Variants in KLHL29 observed in about 807,000 individuals in gnomAD.
The protein encoded by KLHL29 is kelch-like protein 29.
A neutral mutation model predicts 80.4 loss-of-function variants in KLHL29; 21 were observed. The observed-to-expected ratio is 0.26, with a 90% CI of 0.19 to 0.38. The LOEUF (loss-of-function observed/expected upper bound fraction) is 0.38, where lower values mean the gene tolerates loss of function less well. Among genes scored for constraint, KLHL29 ranks in the 10% least tolerant of loss-of-function variants. The pLI, the probability that KLHL29 is intolerant of heterozygous loss-of-function variation, is 1.00. For synonymous variants in KLHL29, 511 were observed against 526.8 expected (o/e 0.97, Z 0.41); for missense variants, 867 against 1,223.9 (o/e 0.71, Z 4.35).
At chr2:23,654,842 A>G (rs1348377918) in intron 5 of KLHL29, among the ~76,000 whole-genome samples, 1 of 152,216 alleles carries the variant, frequency 6.6e-6, no homozygotes, top group Non-Finnish European at 1.5e-5. Context: ...CTGCCCAGGT[A>G]TAGCTGGTAA....
chr2:23,564,220 A>G (rs769439855), intron 3 of KLHL29, among the ~76,000 whole-genome samples: 17 of 152,172 alleles, frequency 1.1e-4, no homozygotes, highest in African/African-American at 7.2e-5. Context: ...GGGCTCCCCC[A>G]CAGGGCTGTG....
At chr2:23,584,359 G>A (rs568566566) in intron 3 of KLHL29, among the ~76,000 whole-genome samples, 51 of 152,298 alleles carry the variant, frequency 3.3e-4, no homozygotes, top group African/African-American at 1.1e-3. Context: ...CCCTGCTCCT[G>A]GAAACAGGCA....
chr2:23,579,699 C>CT (rs1015572669), intron 3 of KLHL29, among the ~76,000 whole-genome samples: 5 of 152,078 alleles, frequency 3.3e-5, no homozygotes, highest in Admixed American at 1.3e-4. Context: ...CACATCCATC[C>CT]TTTTTTTTCT....
chr2:23,683,608 C>T (rs1359176312), intron 5 of KLHL29, among the ~76,000 whole-genome samples: 1 of 152,192 alleles, frequency 6.6e-6, no homozygotes, highest in Non-Finnish European at 1.5e-5. Flanking sequence ...GCCCCAGGTC[C>T]AAGACACCGG....
At chr2:23,448,416 G>A (rs1275257813) in intron 1 of KLHL29, among the ~76,000 whole-genome samples, 1 of 152,290 alleles carries the variant, frequency 6.6e-6, no homozygotes, top group African/African-American at 2.4e-5. Flanking sequence ...GTCCATGCAG[G>A]TTAAGTGAAT....
intron 6 of KLHL29, among the ~76,000 whole-genome samples, chr2:23,688,055 G>A (rs1434843238): frequency 6.6e-6 from 1 of 152,178 alleles, no homozygotes. Context: ...TCTTCCCTGA[G>A]CATGTGTGGG....
chr2:23,639,422 A>T (rs1191464332), intron 4 of KLHL29, 142 bp downstream of exon 4: 3 of 757,808 alleles, frequency 4.0e-6, no homozygotes, highest in Non-Finnish European at 6.3e-6. Context: ...CAGGGGGCAA[A>T]GGCACTGTGT....
intron 1 of KLHL29, among the ~76,000 whole-genome samples, chr2:23,391,386 T>C (rs574912622): frequency 6.6e-6 from 1 of 152,312 alleles, no homozygotes; most frequent in South Asian, 2.1e-4. Flanking sequence ...CTGTTTTCAG[T>C]GTTTCTGGGT....
Position 23,519,045 on chromosome 2 carries a change from C to T in KLHL29, c.-45-43107C>T, listed in dbSNP as rs1456419702. ...TGCCAGGCGGCATGTGGAGAGCCCACTTCTCTCCTCTCTGGGAGTCCTGCA... is the reference window on the plus strand; with the variant it reads ...TGCCAGGCGGCATGTGGAGAGCCCATTTCTCTCCTCTCTGGGAGTCCTGCA... On this transcript the variant is annotated intron_variant, in intron 2 of 13. Transcript: ENST00000486442. Among the ~76,000 whole-genome samples the T allele has an allele frequency of 2.0e-5, 3 of 152,326 alleles. No individual in the cohort carries two copies. The East Asian group carries it at 5.8e-4, about 29-fold the overall frequency.
chr2:23,695,916 G>A lies in KLHL29; in HGVS notation c.1742-35G>A, dbSNP rs1165266733. ...AGGCACAGATGCCGACAGTCTTAGA[G>A]TGTGTCCCAAGGGCGCCCATCCATG... On this transcript the variant is annotated intron_variant, in intron 9 of 13. Transcript: ENST00000486442. This position sits in a 1 kb window ranked among gnomAD's most constrained non-coding sequence, Gnocchi z 7.6. The A allele has an allele frequency of 1.3e-6, 2 of 1,546,198 alleles. No homozygotes were observed. Among genetic ancestry groups the A allele is most frequent in the East Asian group, 4.9e-5 (2 of 40,906 alleles).
chr2:23,625,433 T>C lies in KLHL29; in HGVS notation c.286-13706T>C, dbSNP rs181369454. Among the ~76,000 whole-genome samples the C allele has an allele frequency of 5.2e-4, 79 of 152,224 alleles. 1 individual carries two copies. The highest frequency in any genetic ancestry group is 1.8e-3 in the African/African-American group (73 of 41,538). On this transcript the variant is annotated intron_variant, in intron 3 of 13. Transcript: ENST00000486442. ...AGGGGCACGGTGGATTCTCCGGAGA[T>C]AAATACAACAAGCCTTTCAACAGCA...
rs1187284054 is a variant in KLHL29, at chr2:23,693,275, A to G, written c.1289A>G (p.Gln430Arg). 11 of 1,541,560 alleles carry G rather than the reference A, an allele frequency of 7.1e-6. No homozygotes were observed. Among genetic ancestry groups the G allele is most frequent in the Non-Finnish European group, 9.6e-6 (11 of 1,140,502 alleles). ...CCTGCGCTGTCGCCCCCAGAGAAGC[A>G]GCTGACGGCCAGCAACTGCCTGGGC... is the stretch of plus-strand genomic sequence containing the variant. Reference protein sequence around the residue: ...CKVCVSFLEKQLTASNCLGVL... With the variant: ...CKVCVSFLEKRLTASNCLGVL... The change falls in exon 8 of 14, where the codon CAG (glutamine) becomes CGG (arginine). Residue 430 changes from glutamine (Q) to arginine (R), a missense_variant. Gln to Arg is a conservative substitution (Grantham distance 43). This residue lies in a region of KLHL29 where 443 missense variants were observed against 767.0 expected (regional missense o/e 0.58). Coordinates refer to ENST00000486442, the MANE Select transcript of KLHL29 (RefSeq NM_052920.2).
At chr2:23,691,252 C>T (rs1671580331) in intron 6 of KLHL29, 1 of 251,324 alleles carries the variant, frequency 4.0e-6, no homozygotes, top group Admixed American at 5.1e-5. Context: ...TTGGGAGCCT[C>T]CCAAGCCTGG....
chr2:23,639,085 C>T, intron 3 of KLHL29, 54 bp from the exon 4 acceptor site: 2 of 1,469,490 alleles, frequency 1.4e-6, no homozygotes, highest in Non-Finnish European at 1.8e-6. Context: ...GAGTCTTGTT[C>T]TGGAGGCTGG....
chr2:23,462,168 T>C (rs1286665013), intron 1 of KLHL29, among the ~76,000 whole-genome samples: 4 of 152,084 alleles, frequency 2.6e-5, no homozygotes, highest in South Asian at 2.1e-4. Flanking sequence ...TCCTCCCATT[T>C]GGAAAGAAGA....
At chr2:23,390,725 C>T (rs377072756) in intron 1 of KLHL29, among the ~76,000 whole-genome samples, 6 of 144,542 alleles carry the variant, frequency 4.2e-5, no homozygotes, top group Middle Eastern at 4.2e-3. Flanking sequence ...AATCTTGGCT[C>T]GCTGCAACCC....
chr2:23,420,072 G>T (rs1054833002), intron 1 of KLHL29, among the ~76,000 whole-genome samples: 1 of 152,174 alleles, frequency 6.6e-6, no homozygotes, highest in Non-Finnish European at 1.5e-5. Flanking sequence ...TGCTTGTGTG[G>T]CCGGCACGGG....
intron 3 of KLHL29, 91 bp from the exon 4 acceptor site, chr2:23,639,048 T>G: frequency 7.8e-7 from 1 of 1,286,382 alleles, no homozygotes; most frequent in Non-Finnish European, 1.0e-6. Flanking sequence ...ACTGGAGTCT[T>G]GTTTTGGAGG....
intron 2 of KLHL29, among the ~76,000 whole-genome samples, chr2:23,516,402 A>G (rs981788979): frequency 5.3e-5 from 8 of 151,962 alleles, no homozygotes; most frequent in Non-Finnish European, 1.0e-4. Context: ...ACACACGCGC[A>G]CACACACGTG....
Sources: gnomAD v4.1 joint callset for allele counts (sites outside exome capture counted in the v4.1 genomes callset) on GRCh38, gnomAD v4.1.1 for gene constraint, gnomAD v4.1.1 regional missense constraint, Gnocchi (gnomAD v3.1) non-coding constraint, MANE v1.5 for transcripts, NCBI Gene and HGNC (gene_info 2026-07-23, HGNC 2026-07-21) for gene names.